The following COL5A3 variants were observed in gnomAD, a reference collection of about 807,000 sequenced individuals.
COL5A3 encodes the protein collagen type V alpha 3 chain, also known as collagen alpha-3(V) chain.
A neutral mutation model predicts 250.0 loss-of-function variants in COL5A3; 172 were observed. The ratio of observed to expected loss-of-function variants is 0.69; its 90% CI spans 0.61 to 0.78. The LOEUF (loss-of-function observed/expected upper bound fraction) is 0.78, where lower values mean the gene tolerates loss of function less well. COL5A3 is among the 30% of genes least tolerant of loss of function. COL5A3 has a pLI of 0.00. For synonymous variants in COL5A3, 937 were observed against 900.4 expected (o/e 1.04, Z -0.73); for missense variants, 2,340 against 2,334.4 (o/e 1.00, Z -0.05).
chr19:9,988,849 A>AGAGAGAG (rs1555738964), intron 27 of COL5A3, among the ~76,000 whole-genome samples: 1 of 74,594 alleles, frequency 1.3e-5, no homozygotes, highest in Non-Finnish European at 2.6e-5. Flanking sequence ...AAAAAAAAAA[A>AGAGAGAG]AAAAAAAAAG....
intron 8 of COL5A3, among the ~76,000 whole-genome samples, chr19:9,999,136 T>TTTCCTTCC (rs142456677): frequency 0.11 from 14,460 of 126,556 alleles, 1,185 homozygotes; most frequent in African/African-American, 0.22. Context: ...CTCTCTCTTT[T>TTTCCTTCC]TTCCTTCCTT....
chr19:9,979,914 A>G, intron 36 of COL5A3, 22 bp from the exon 37 acceptor site: 1 of 1,570,670 alleles, frequency 6.4e-7, no homozygotes, highest in Non-Finnish European at 8.6e-7. Context: ...GGTGGGAAAA[A>G]GTTGGGGCAC....
At chr19:9,976,656 AT>A in intron 44 of COL5A3, 45 bp from the exon 45 acceptor site, 1 of 1,478,786 alleles carries the variant, frequency 6.8e-7, no homozygotes, top group Non-Finnish European at 9.2e-7. Context: ...CAGGTTTAAG[AT>A]TAGAGAGGGC....
chr19:9,993,541 G>A (rs1433165459), intron 18 of COL5A3, 78 bp downstream of exon 18: 5 of 1,581,040 alleles, frequency 3.2e-6, no homozygotes, highest in Non-Finnish European at 4.3e-6. Flanking sequence ...TCATGACTCT[G>A]ATACTGAGGG....
intron 16 of COL5A3, 46 bp from the exon 17 acceptor site, chr19:9,993,852 A>G (rs1369307930): frequency 5.8e-6 from 9 of 1,541,896 alleles, no homozygotes; most frequent in Admixed American, 1.9e-5. Context: ...CCTTCCCTGT[A>G]CCCCTCCACC....
chr19:9,994,585 T>TGGTC (rs2087243321), intron 16 of COL5A3, among the ~76,000 whole-genome samples: 1 of 88,068 alleles, frequency 1.1e-5, no homozygotes, highest in African/African-American at 5.9e-5. Flanking sequence ...TATATATATA[T>TGGTC]ATATATATAT....
intron 24 of COL5A3, among the ~76,000 whole-genome samples, chr19:9,990,356 T>G (rs1489642560): frequency 7.0e-6 from 1 of 142,812 alleles, no homozygotes; most frequent in East Asian, 2.2e-4. Context: ...ATCATGCCAT[T>G]GCACTCCAGC....
At position 9,972,969 on chromosome 19, in the gene COL5A3, G is replaced by A. The variant is rs201669209; in HGVS notation, c.3724C>T (p.Pro1242Ser). 1 of 1,611,958 alleles carries A rather than the reference G, an allele frequency of 6.2e-7. No homozygotes were observed. The highest frequency in any genetic ancestry group is 8.5e-7 in the Non-Finnish European group (1 of 1,179,156). The change falls in exon 51 of 67, where the codon CCC (proline) becomes TCC (serine). Residue 1242 changes from proline (P) to serine (S), a missense_variant. Physicochemically the swap from Pro to Ser is moderately conservative, Grantham distance 74. Transcript: ENST00000264828. Reference sequence around the variant, plus strand: ...CCAGGGGGACCTTTCTTGCCTGGGGGTCCAGCAGCTCCAGATGGGCCTGAG... The same window carrying A: ...CCAGGGGGACCTTTCTTGCCTGGGGATCCAGCAGCTCCAGATGGGCCTGAG... ...GDSGPSGAAG[P>S]PGKKGPPGED...
At chr19:9,972,010 A>T (rs1317356346) in intron 51 of COL5A3, among the ~76,000 whole-genome samples, 1 of 152,198 alleles carries the variant, frequency 6.6e-6, no homozygotes, top group Non-Finnish European at 1.5e-5. Flanking sequence ...CCATTCGTTT[A>T]TTCACTCATC....
intron 22 of COL5A3, 51 bp from the exon 23 acceptor site, chr19:9,991,892 G>C (rs755939352): frequency 6.3e-7 from 1 of 1,590,956 alleles, no homozygotes; most frequent in South Asian, 1.1e-5. Flanking sequence ...ATGGTGTTGG[G>C]GCGTTAGTGA....
intron 1 of COL5A3, among the ~76,000 whole-genome samples, chr19:10,007,544 C>T (rs900711185): frequency 5.9e-5 from 9 of 152,192 alleles, no homozygotes; most frequent in African/African-American, 2.2e-4. Flanking sequence ...CCCTGGGCCC[C>T]GAGCCCCTGT....
At chr19:9,979,445 G>C in intron 37 of COL5A3, 28 bp from the exon 38 acceptor site, 1 of 1,612,452 alleles carries the variant, frequency 6.2e-7, no homozygotes, top group Non-Finnish European at 8.5e-7. Flanking sequence ...ATGTGGGGGC[G>C]GTGTTACATG....
chr19:9,980,442 G>C (rs11882279), intron 35 of COL5A3, among the ~76,000 whole-genome samples: 4,803 of 152,082 alleles, frequency 0.032, 243 homozygotes, highest in African/African-American at 0.11. Flanking sequence ...GCTCACTTCA[G>C]CTTCCAACTC....
At chr19:9,990,676 A>C (rs551896186) in intron 24 of COL5A3, among the ~76,000 whole-genome samples, 62 of 151,600 alleles carry the variant, frequency 4.1e-4, no homozygotes, top group Middle Eastern at 6.8e-3. Context: ...CATTCTCCTG[A>C]CTCAGCCTCC....
rs73003451 is a variant in COL5A3 at position 9,970,686 on chromosome 19, C to G, written c.3883-11G>C. On this transcript the variant is annotated splice_polypyrimidine_tract_variant and intron_variant, in intron 53 of 66. Coordinates refer to ENST00000264828, the MANE Select transcript of COL5A3 (RefSeq NM_015719.4). Reference sequence around the variant, plus strand: ...AGCTCCAGGCGGACCCTGGAGGAGACAAGGACACCAGCTGTGGTCTCAGCT... The same window carrying G: ...AGCTCCAGGCGGACCCTGGAGGAGAGAAGGACACCAGCTGTGGTCTCAGCT... The G allele has an allele frequency of 0.013, 17,981 of 1,427,352 alleles. 146 individuals are homozygous for G. The highest frequency in any genetic ancestry group is 0.014 in the South Asian group (857 of 60,818). 88.4% of individuals were successfully genotyped at this position (1,427,352 alleles called of 1,614,324 possible).
Position 9,974,292 on chromosome 19 carries a change from G to T in COL5A3, c.3450+9C>A. 6.2e-7 allele frequency: 1 copy of T among 1,610,106 alleles called. No homozygotes were observed. Among genetic ancestry groups the T allele is most frequent in the Non-Finnish European group, 8.5e-7 (1 of 1,177,896 alleles). On this transcript the variant is annotated intron_variant, in intron 46 of 66. Coordinates refer to ENST00000264828, the MANE Select transcript of COL5A3 (RefSeq NM_015719.4). ...ATCAGAAGTGCCACCCCCAAACCCA[G>T]ACACCCACCTGCAGTCCAGGAGGGC...
chr19:9,978,249 C>T (rs2086951880), intron 41 of COL5A3, among the ~76,000 whole-genome samples: 1 of 151,822 alleles, frequency 6.6e-6, no homozygotes, highest in Non-Finnish European at 1.5e-5. Flanking sequence ...TGAGGCTTGC[C>T]AAGGAATACA....
At chr19:10,006,393 A>G (rs2087444515) in intron 1 of COL5A3, among the ~76,000 whole-genome samples, 162 bp from the exon 2 acceptor site, 1 of 150,338 alleles carries the variant, frequency 6.7e-6, no homozygotes, top group African/African-American at 2.5e-5. Flanking sequence ...CTGGGCCCCC[A>G]GCACCCCCCG....
At chr19:10,002,772 A>G (rs765747029) in intron 6 of COL5A3, among the ~76,000 whole-genome samples, 26 of 152,064 alleles carry the variant, frequency 1.7e-4, no homozygotes, top group Non-Finnish European at 3.4e-4. Context: ...ATGACCCCCA[A>G]ATAGTAATTC....
Sources: allele counts gnomAD v4.1 joint callset (sites outside exome capture counted in the v4.1 genomes callset), GRCh38; gene constraint gnomAD v4.1.1; transcripts MANE v1.5; gene names NCBI Gene and HGNC (gene_info 2026-07-23, HGNC 2026-07-21).